The following LRRC4C variants were observed in gnomAD, a reference collection of about 807,000 sequenced individuals.
The protein encoded by LRRC4C is leucine rich repeat containing 4C.
In LRRC4C, 5 loss-of-function variants were observed where a neutral mutation model predicts 33.6. The ratio of observed to expected loss-of-function variants is 0.15; its 90% confidence interval spans 0.08 to 0.31. LRRC4C has a LOEUF of 0.31. Among genes scored for constraint, LRRC4C ranks in the 10% least tolerant of loss-of-function variants. The pLI is 1.00. For missense variants in LRRC4C, 560 were observed against 796.7 expected, an observed-to-expected ratio of 0.70 and a Z score of 3.58; for synonymous variants, 329 against 302.0, an observed-to-expected ratio of 1.09 and a Z score of -0.93.
chr11:40,666,394 G>A lies in LRRC4C; in HGVS notation c.-406-18116C>T, dbSNP rs569886263. Among the ~76,000 whole-genome samples, 303 of 152,240 alleles carry A rather than the reference G, an allele frequency of 2.0e-3. 3 individuals carry two copies. Among genetic ancestry groups the A allele is most frequent in the Non-Finnish European group, 5.4e-4 (37 of 67,970 alleles). ...TATCCTGGTTAACTTCTAGTAAGGA[G>A]AGAAGGTCATGTTTGAAGTAAGGAG... On this transcript the variant is annotated intron_variant, in intron 2 of 6. Transcript: ENST00000528697.
chr11:41,328,007 T>C (rs979602146), intron 1 of LRRC4C, among the ~76,000 whole-genome samples: 3 of 152,190 alleles, frequency 2.0e-5, no homozygotes, highest in Non-Finnish European at 4.4e-5. Context: ...GTCTTATTTT[T>C]CATGCTTCAC....
At chr11:40,236,100 A>G (rs1230122675) in intron 5 of LRRC4C, among the ~76,000 whole-genome samples, 1 of 152,108 alleles carries the variant, frequency 6.6e-6, no homozygotes, top group Admixed American at 6.6e-5. Flanking sequence ...CCTATGAAAA[A>G]AAAAAACAGC....
chr11:40,771,865 A>C (rs765882837), intron 2 of LRRC4C, among the ~76,000 whole-genome samples: 42 of 152,186 alleles, frequency 2.8e-4, no homozygotes, highest in Non-Finnish European at 1.0e-4. Flanking sequence ...AGTCTCTAGG[A>C]AGTTCCAAAC....
intron 3 of LRRC4C, among the ~76,000 whole-genome samples, chr11:40,459,014 G>A (rs1952263954): frequency 6.6e-6 from 1 of 152,108 alleles, no homozygotes. Flanking sequence ...CATATACAGA[G>A]ATAAAATGCA....
chr11:40,367,086 A>T (rs1948242446), intron 3 of LRRC4C, among the ~76,000 whole-genome samples: 1 of 152,034 alleles, frequency 6.6e-6, no homozygotes, highest in South Asian at 2.1e-4. Context: ...TAATACCTGC[A>T]TCCTCATTAT....
chr11:40,308,111 C>G (rs537446297), intron 4 of LRRC4C, among the ~76,000 whole-genome samples: 1 of 152,360 alleles, frequency 6.6e-6, no homozygotes, highest in Non-Finnish European at 1.5e-5. Flanking sequence ...CAAGGAGGCA[C>G]TGCTAGTGTG....
At chr11:40,274,689 G>T (rs374366316) in intron 4 of LRRC4C, among the ~76,000 whole-genome samples, 2 of 151,972 alleles carry the variant, frequency 1.3e-5, no homozygotes, top group African/African-American at 4.8e-5. Flanking sequence ...AAATAGCTCA[G>T]ACTCTTGGAT....
intron 1 of LRRC4C, among the ~76,000 whole-genome samples, chr11:40,950,927 T>A (rs1052958620): frequency 5.3e-5 from 8 of 151,892 alleles, no homozygotes; most frequent in Non-Finnish European, 8.8e-5. Flanking sequence ...TCTTTTCATG[T>A]CTGTACATAC....
At chr11:40,998,507 T>A (rs188060560) in intron 1 of LRRC4C, among the ~76,000 whole-genome samples, 1 of 152,234 alleles carries the variant, frequency 6.6e-6, no homozygotes, top group Admixed American at 6.5e-5. Context: ...TATTTTGTTA[T>A]TTTCTCCATG....
rs1946775992 is a variant in LRRC4C, at chr11:40,339,612, C to T, written c.-269-19891G>A. On this transcript the variant is annotated intron_variant, in intron 3 of 6. Coordinates refer to ENST00000528697, the MANE Select transcript of LRRC4C (RefSeq NM_001258419.2). ...TTGTCCTGGTTGAACATACTTAGTACATTGAAGCCCTTTTTATCACAGGTC... is the reference window on the plus strand; with the variant it reads ...TTGTCCTGGTTGAACATACTTAGTATATTGAAGCCCTTTTTATCACAGGTC... Among the ~76,000 whole-genome samples the T allele has an allele frequency of 2.6e-5, 4 of 152,274 alleles. 1 individual carries two copies. In the South Asian group the frequency reaches 8.3e-4, roughly 32 times the overall value.
chr11:40,972,329 G>T (rs773480706), intron 1 of LRRC4C, among the ~76,000 whole-genome samples: 1 of 151,880 alleles, frequency 6.6e-6, no homozygotes, highest in African/African-American at 2.4e-5. Context: ...TAGAGATAGC[G>T]TTTCACCATG....
At chr11:41,177,791 A>G (rs1443812877) in intron 1 of LRRC4C, among the ~76,000 whole-genome samples, 2 of 152,226 alleles carry the variant, frequency 1.3e-5, no homozygotes, top group Non-Finnish European at 2.9e-5. Flanking sequence ...ACAATTATAT[A>G]TAGGCAATCA....
chr11:40,929,041 G>C (rs1957504240), intron 2 of LRRC4C, among the ~76,000 whole-genome samples: 1 of 152,156 alleles, frequency 6.6e-6, no homozygotes, highest in African/African-American at 2.4e-5. Context: ...AGTGTTCAGA[G>C]ACTAATTTGT....
intron 3 of LRRC4C, among the ~76,000 whole-genome samples, chr11:40,594,021 T>C (rs990766523): frequency 6.6e-6 from 1 of 152,162 alleles, no homozygotes; most frequent in African/African-American, 2.4e-5. Flanking sequence ...CTTTGGAAGC[T>C]CAAATACTAT....
chr11:40,533,952 T>C (rs114879700), intron 3 of LRRC4C, among the ~76,000 whole-genome samples: 2,516 of 152,264 alleles, frequency 0.017, 85 homozygotes, highest in African/African-American at 0.057. Context: ...TGTGTGCATA[T>C]AGACATTGCC....
chr11:40,346,521 G>A (rs1947137422), intron 3 of LRRC4C, among the ~76,000 whole-genome samples: 1 of 152,142 alleles, frequency 6.6e-6, no homozygotes, highest in African/African-American at 2.4e-5. Flanking sequence ...GACACACAGA[G>A]GGGAACAACA....
At chr11:41,374,986 G>A (rs1952884140) in intron 1 of LRRC4C, among the ~76,000 whole-genome samples, 1 of 151,914 alleles carries the variant, frequency 6.6e-6, no homozygotes, top group South Asian at 2.1e-4. Flanking sequence ...AATTAGCCGG[G>A]CGTGATGGCA....
At chr11:41,384,453 T>C (rs1007295343) in intron 1 of LRRC4C, among the ~76,000 whole-genome samples, 3 of 151,744 alleles carry the variant, frequency 2.0e-5, no homozygotes. Context: ...AGTTGACAAG[T>C]TGATTTTAGG....
intron 5 of LRRC4C, among the ~76,000 whole-genome samples, chr11:40,203,432 T>C (rs766070414): frequency 9.9e-5 from 15 of 152,204 alleles, no homozygotes; most frequent in Non-Finnish European, 2.1e-4. Context: ...TTGACTTTTA[T>C]ACCTTTCTTC....
Sources: gnomAD v4.1 joint callset for allele counts (sites outside exome capture counted in the v4.1 genomes callset) on GRCh38, gnomAD v4.1.1 for gene constraint, MANE v1.5 for transcripts, NCBI Gene and HGNC (gene_info 2026-07-23, HGNC 2026-07-21) for gene names.